FER: variants seen among roughly 807,000 people sequenced by gnomAD.
FER encodes the protein tyrosine-protein kinase Fer.
In FER, 63 loss-of-function variants were observed where a neutral mutation model predicts 111.0. That is an observed-to-expected ratio of 0.57 (90% CI 0.46 to 0.70). The LOEUF (loss-of-function observed/expected upper bound fraction) is 0.70. Ranked by LOEUF, FER falls within the 30% of genes least tolerant of loss-of-function variation. The pLI is 0.00. For missense variants in FER, 914 were observed against 954.0 expected, an observed-to-expected ratio of 0.96 and a Z score of 0.55; for synonymous variants, 327 against 313.9, an observed-to-expected ratio of 1.04 and a Z score of -0.44.
At chr5:108,851,096 C>T (rs1194201828) in intron 5 of FER, among the ~76,000 whole-genome samples, 5 of 152,116 alleles carry the variant, frequency 3.3e-5, no homozygotes, top group African/African-American at 9.7e-5. Flanking sequence ...TCACCATTTC[C>T]TCAACTTGTT....
At position 109,039,928 on chromosome 5, in the gene FER, A is replaced by G. The variant is rs73779113; in HGVS notation, c.1713+2450A>G. ...CTGACAACTTGGAAGGTTAGGAGGC[A>G]GTTGAACTTACCTGACTAAAAGATG... On this transcript the variant is annotated intron_variant, in intron 14 of 19. Transcript: ENST00000281092. Among the ~76,000 whole-genome samples the G allele has an allele frequency of 6.6e-3, 1,007 of 152,256 alleles. 12 individuals are homozygous for G. Among genetic ancestry groups the G allele is most frequent in the African/African-American group, 0.023 (943 of 41,578 alleles).
At position 108,954,299 on chromosome 5, in the gene FER, AG is replaced by A. The variant is rs566636552; in HGVS notation, c.1330-429del. Reference sequence around the variant, plus strand: ...ACTCCTGGAATGTATGACACTGCTCAGAACCTCTGTGATCAAGAGTTAATTA... The same window carrying A: ...ACTCCTGGAATGTATGACACTGCTCAAACCTCTGTGATCAAGAGTTAATTA... On this transcript the variant is annotated intron_variant, in intron 11 of 19. Transcript: ENST00000281092. Among the ~76,000 whole-genome samples the A allele has an allele frequency of 1.2e-4, 19 of 152,264 alleles. No individual in the cohort carries two copies. In the South Asian group the frequency reaches 3.5e-3, roughly 28 times the overall value.
intron 17 of FER, 60 bp from the exon 18 acceptor site, chr5:109,180,687 A>T: frequency 3.3e-6 from 5 of 1,527,304 alleles, no homozygotes; most frequent in South Asian, 2.6e-5. Context: ...GAAATCATAA[A>T]TGTGAAAGTG....
chr5:109,177,854 A>G (rs1757874908), intron 17 of FER, among the ~76,000 whole-genome samples: 1 of 152,188 alleles, frequency 6.6e-6, no homozygotes, highest in Non-Finnish European at 1.5e-5. Context: ...CAGGTGAATG[A>G]CAACACCAGC....
intron 2 of FER, among the ~76,000 whole-genome samples, chr5:108,793,529 G>T (rs1297879761): frequency 8.4e-6 from 1 of 119,604 alleles, no homozygotes; most frequent in African/African-American, 3.6e-5. Context: ...CGGGGGGGGT[G>T]GTTATATACC....
chr5:109,114,016 G>A (rs559772366), intron 17 of FER, among the ~76,000 whole-genome samples: 9 of 152,102 alleles, frequency 5.9e-5, no homozygotes, highest in South Asian at 2.1e-4. Flanking sequence ...TTGCCCTTAC[G>A]CTTTCTAAGT....
At chr5:108,943,148 C>T (rs868259748) in intron 10 of FER, among the ~76,000 whole-genome samples, 1 of 152,084 alleles carries the variant, frequency 6.6e-6, no homozygotes, top group South Asian at 2.1e-4. Flanking sequence ...GTACCTCAGG[C>T]GAACTGTGAC....
Position 109,174,391 on chromosome 5 carries a change from C to T in FER, c.2049-6356C>T, listed in dbSNP as rs140868263. 8.5e-4 allele frequency among the ~76,000 whole-genome samples: 130 copies of T among 152,326 alleles called. 1 individual carries two copies. Among genetic ancestry groups the T allele is most frequent in the African/African-American group, 2.8e-3 (115 of 41,564 alleles). The stretch of plus-strand genomic sequence containing the variant: ...GGTCAATCTCTGATCCCATCACTTT[C>T]AGCTAAATAGTGGCTATGGTATTGC... On this transcript the variant is annotated intron_variant, in intron 17 of 19. Coordinates refer to ENST00000281092, the MANE Select transcript of FER (RefSeq NM_005246.4).
intron 3 of FER, 97 bp downstream of exon 3, chr5:108,798,486 A>G (rs1337617107): frequency 6.6e-5 from 61 of 917,624 alleles, no homozygotes; most frequent in East Asian, 2.8e-4. Flanking sequence ...TTAAGTCAGC[A>G]TTCTAAAGCA....
chr5:108,928,675 A>G (rs1180718448), intron 10 of FER, among the ~76,000 whole-genome samples: 1 of 152,046 alleles, frequency 6.6e-6, no homozygotes, highest in Non-Finnish European at 1.5e-5. Flanking sequence ...TATAATTTTT[A>G]TATAGCATCT....
chr5:108,938,447 C>A (rs1308661613), intron 10 of FER, among the ~76,000 whole-genome samples: 4 of 151,642 alleles, frequency 2.6e-5, no homozygotes, highest in African/African-American at 9.7e-5. Flanking sequence ...TATTTAGGGC[C>A]CATTTGAAGT....
intron 17 of FER, among the ~76,000 whole-genome samples, chr5:109,113,358 A>T (rs1394448541): frequency 6.6e-6 from 1 of 152,128 alleles, no homozygotes; most frequent in Admixed American, 6.6e-5. Context: ...ATATATACCT[A>T]CTCAAATATA....
chr5:108,939,110 C>G lies in FER; in HGVS notation c.1237-7020C>G, dbSNP rs78894353. Among the ~76,000 whole-genome samples, 91 of 152,046 alleles carry G rather than the reference C, an allele frequency of 6.0e-4. No homozygotes were observed. The East Asian group carries it at 0.016, about 27-fold the overall frequency. ...CCATTTAAACTAGGGTTTTTCCATA[C>G]TTTTGAGCAGTTGTTTTATTTGTTA... On this transcript the variant is annotated intron_variant, in intron 10 of 19. Coordinates refer to ENST00000281092, the MANE Select transcript of FER (RefSeq NM_005246.4).
rs144911004 is a variant in FER, at chr5:109,092,176, C to A, written c.1925-8220C>A. On this transcript the variant is annotated intron_variant, in intron 16 of 19. Transcript: ENST00000281092. ...AAAGTATAAAACTGCTAGAAGAAAA[C>A]ATGGATATTTGATTGGACAATGATA... Among the ~76,000 whole-genome samples, 194 of 146,606 alleles carry A rather than the reference C, an allele frequency of 1.3e-3. 2 individuals carry two copies. Among genetic ancestry groups the A allele is most frequent in the African/African-American group, 4.6e-3 (184 of 40,028 alleles).
At chr5:109,125,122 T>C (rs1018347799) in intron 17 of FER, among the ~76,000 whole-genome samples, 3 of 152,136 alleles carry the variant, frequency 2.0e-5, no homozygotes, top group African/African-American at 7.2e-5. Flanking sequence ...CAAATGACTT[T>C]ATTCTTTCAC....
intron 9 of FER, among the ~76,000 whole-genome samples, chr5:108,896,421 CA>C (rs1340054065): frequency 6.6e-6 from 1 of 152,148 alleles, no homozygotes; most frequent in East Asian, 1.9e-4. Context: ...ACACAGATCA[CA>C]GACTGTTGAA....
intron 9 of FER, among the ~76,000 whole-genome samples, chr5:108,890,890 C>A (rs1747940942): frequency 6.6e-6 from 1 of 152,090 alleles, no homozygotes; most frequent in Non-Finnish European, 1.5e-5. Context: ...ACATAAGTTA[C>A]AATTTTTCTG....
intron 10 of FER, among the ~76,000 whole-genome samples, chr5:108,939,853 G>A (rs1248321594): frequency 6.6e-6 from 1 of 151,886 alleles, no homozygotes; most frequent in African/African-American, 2.4e-5. Flanking sequence ...AGTAACAAAA[G>A]GAGCTCTGAT....
rs141936123 is a variant in FER at position 109,021,577 on chromosome 5, T to C, written c.1657-15845T>C. Among the ~76,000 whole-genome samples the C allele has an allele frequency of 3.9e-5, 6 of 152,218 alleles. No individual in the cohort carries two copies. In the East Asian group the frequency reaches 7.7e-4, roughly 20 times the overall value. On this transcript the variant is annotated intron_variant, in intron 13 of 19. Transcript: ENST00000281092. ...TCTTCACCAATTTTTTCTTAGCTAC[T>C]AGCTTTTAGTTTATAATGAAGGATT...
Sources: gnomAD v4.1 joint callset for allele counts (sites outside exome capture counted in the v4.1 genomes callset) on GRCh38, gnomAD v4.1.1 for gene constraint, MANE v1.5 for transcripts, NCBI Gene and HGNC (gene_info 2026-07-23, HGNC 2026-07-21) for gene names.